FHIT: variants seen among roughly 807,000 people sequenced by gnomAD.
FHIT encodes bis(5'-adenosyl)-triphosphatase.
FHIT carries 19 observed loss-of-function variants against 17.9 expected under a neutral mutation model. The observed-to-expected ratio is 1.06, with a 90% CI of 0.74 to 1.56. The LOEUF (loss-of-function observed/expected upper bound fraction) is 1.56. Among genes scored for constraint, FHIT ranks in the 40% most tolerant of loss-of-function variants. The probability of loss-of-function intolerance (pLI) is 0.00; values close to 1 mark genes in which losing one functional copy is unlikely to be tolerated. For synonymous variants in FHIT, 81 were observed against 69.7 expected, an observed-to-expected ratio of 1.16 and a Z score of -0.81; for missense variants, 248 against 189.2, an observed-to-expected ratio of 1.31 and a Z score of -1.82.
At chr3:59,892,879 C>T (rs2107023179) in intron 8 of FHIT, among the ~76,000 whole-genome samples, 1 of 152,198 alleles carries the variant, frequency 6.6e-6, no homozygotes, top group East Asian at 1.9e-4. Context: ...ATTTGGGCAG[C>T]CTGAAAACAC....
intron 2 of FHIT, among the ~76,000 whole-genome samples, chr3:61,133,089 A>G (rs528727110): frequency 2.6e-4 from 40 of 152,244 alleles, no homozygotes; most frequent in Non-Finnish European, 5.4e-4. Context: ...TTCATCCTTT[A>G]CATCTCAGAT....
intron 5 of FHIT, among the ~76,000 whole-genome samples, chr3:60,464,432 G>A (rs1044628994): frequency 6.6e-6 from 1 of 151,982 alleles, no homozygotes; most frequent in Non-Finnish European, 1.5e-5. Context: ...TAGTCACCCT[G>A]TTATGCTATC....
intron 5 of FHIT, among the ~76,000 whole-genome samples, chr3:60,079,297 G>A (rs1427609341): frequency 6.6e-6 from 1 of 152,124 alleles, no homozygotes; most frequent in Non-Finnish European, 1.5e-5. Flanking sequence ...CCTCACACAT[G>A]CTTTTAAATG....
intron 2 of FHIT, among the ~76,000 whole-genome samples, chr3:61,078,691 T>C (rs569496190): frequency 6.6e-6 from 1 of 152,324 alleles, no homozygotes; most frequent in East Asian, 1.9e-4. Flanking sequence ...GAAGCTGAAT[T>C]GCAAGTGCCA....
intron 2 of FHIT, among the ~76,000 whole-genome samples, chr3:61,095,159 C>CAT (rs2035600726): frequency 6.6e-6 from 1 of 152,164 alleles, no homozygotes; most frequent in Non-Finnish European, 1.5e-5. Context: ...ATTAATCTAT[C>CAT]CATTTACTAC....
chr3:61,108,871 C>T (rs1028170406), intron 2 of FHIT, among the ~76,000 whole-genome samples: 2 of 152,196 alleles, frequency 1.3e-5, no homozygotes, highest in African/African-American at 4.8e-5. Context: ...AAGGTTTCCT[C>T]TTTCCTGCTG....
chr3:61,250,252 A>C (rs1263394876), intron 1 of FHIT, among the ~76,000 whole-genome samples: 1 of 152,228 alleles, frequency 6.6e-6, no homozygotes, highest in South Asian at 2.1e-4. Context: ...CCAAGGCCTC[A>C]GGCCGCAGGC....
intron 5 of FHIT, among the ~76,000 whole-genome samples, chr3:60,181,302 C>T (rs190879669): frequency 6.6e-6 from 1 of 152,090 alleles, no homozygotes; most frequent in Admixed American, 6.5e-5. Context: ...CCCACCACCA[C>T]ATCTGGCTAG....
At position 61,047,891 on chromosome 3, in the gene FHIT, A is replaced by C. The variant is rs180748252; in HGVS notation, c.-163-5792T>G. Reference sequence around the variant, plus strand: ...CAATGGGGAAAGGATTCCCTATTTAATAAATGGTGCTGGGAAAACTGGCTA... The same window carrying C: ...CAATGGGGAAAGGATTCCCTATTTACTAAATGGTGCTGGGAAAACTGGCTA... On this transcript the variant is annotated intron_variant, in intron 2 of 9. Coordinates refer to ENST00000492590, the MANE Select transcript of FHIT (RefSeq NM_002012.4). Among the ~76,000 whole-genome samples, 1,042 of 139,034 alleles carry C rather than the reference A, an allele frequency of 7.5e-3. 13 individuals carry two copies. The highest frequency in any genetic ancestry group is 0.039 in the Middle Eastern group (11 of 282). 91.2% of individuals were successfully genotyped at this position (139,034 alleles called of 152,430 possible).
intron 5 of FHIT, among the ~76,000 whole-genome samples, chr3:60,090,868 C>T (rs938435175): frequency 2.0e-5 from 3 of 152,038 alleles, no homozygotes; most frequent in Non-Finnish European, 1.5e-5. Context: ...GCTCTGGGGT[C>T]GGGGTAAGGT....
intron 3 of FHIT, among the ~76,000 whole-genome samples, chr3:60,860,258 CAT>C (rs1703621071): frequency 3.6e-5 from 5 of 137,336 alleles, no homozygotes; most frequent in African/African-American, 1.4e-4. Context: ...TGAGATACAT[CAT>C]ATGTATACAT....
intron 5 of FHIT, among the ~76,000 whole-genome samples, chr3:60,363,566 A>G (rs1699989192): frequency 6.6e-6 from 1 of 152,144 alleles, no homozygotes; most frequent in African/African-American, 2.4e-5. Flanking sequence ...TGGAGTGGTT[A>G]CATCATTTTT....
chr3:61,001,807 T>C (rs992594125), intron 3 of FHIT, among the ~76,000 whole-genome samples: 2 of 152,168 alleles, frequency 1.3e-5, no homozygotes, highest in Non-Finnish European at 2.9e-5. Flanking sequence ...CACACACAAA[T>C]GAGTACCTGC....
At chr3:59,947,382 T>C (rs541550897) in intron 7 of FHIT, among the ~76,000 whole-genome samples, 2 of 152,058 alleles carry the variant, frequency 1.3e-5, no homozygotes, top group Non-Finnish European at 1.5e-5. Context: ...TTTCTAACTT[T>C]GTTTATTTGA....
chr3:60,466,138 G>A (rs945277148), intron 5 of FHIT, among the ~76,000 whole-genome samples: 1 of 151,818 alleles, frequency 6.6e-6, no homozygotes, highest in African/African-American at 2.4e-5. Flanking sequence ...TAGTTGATTT[G>A]TAGTTATTGT....
At chr3:60,614,295 A>G (rs1200625749) in intron 4 of FHIT, among the ~76,000 whole-genome samples, 1 of 152,196 alleles carries the variant, frequency 6.6e-6, no homozygotes, top group African/African-American at 2.4e-5. Context: ...GAAGCACAGA[A>G]TTCATGTTCT....
At chr3:61,211,969 A>G (rs529526707) in intron 1 of FHIT, among the ~76,000 whole-genome samples, 2 of 152,294 alleles carry the variant, frequency 1.3e-5, no homozygotes, top group East Asian at 3.9e-4. Context: ...AGGAAAACTA[A>G]CAAACAGAAA....
intron 8 of FHIT, among the ~76,000 whole-genome samples, chr3:59,805,516 G>A (rs931369397): frequency 6.6e-6 from 1 of 152,020 alleles, no homozygotes; most frequent in Non-Finnish European, 1.5e-5. Flanking sequence ...GAAGACAAAG[G>A]GTCACAGAGA....
intron 5 of FHIT, among the ~76,000 whole-genome samples, chr3:60,460,599 T>C (rs1250451611): frequency 1.6e-4 from 24 of 152,158 alleles, no homozygotes; most frequent in Admixed American, 1.6e-3. Context: ...GTAAAATAAA[T>C]ACATTCAATA....
Sources: gnomAD v4.1 joint callset for allele counts (sites outside exome capture counted in the v4.1 genomes callset) on GRCh38, gnomAD v4.1.1 for gene constraint, MANE v1.5 for transcripts, NCBI Gene and HGNC (gene_info 2026-07-23, HGNC 2026-07-21) for gene names.